SNTG1: variants seen among roughly 807,000 people sequenced by gnomAD.
SNTG1 encodes syntrophin gamma 1.
A neutral mutation model predicts 74.7 loss-of-function variants in SNTG1; 39 were observed. That is an observed-to-expected ratio of 0.52 (90% CI 0.40 to 0.68). The LOEUF is 0.68. Ranked by LOEUF, SNTG1 falls within the 30% of genes least tolerant of loss-of-function variation. The pLI is 0.00. For synonymous variants in SNTG1, 254 were observed against 217.1 expected (o/e 1.17, Z -1.49); for missense variants, 685 against 609.5 (o/e 1.12, Z -1.30).
intron 11 of SNTG1, among the ~76,000 whole-genome samples, chr8:50,552,311 T>C (rs957518318): frequency 6.6e-6 from 1 of 152,206 alleles, no homozygotes; most frequent in African/African-American, 2.4e-5. Context: ...ACTTTTAAAT[T>C]CAATAGCACT....
intron 1 of SNTG1, among the ~76,000 whole-genome samples, chr8:50,027,207 T>G (rs1817344964): frequency 6.6e-6 from 1 of 152,112 alleles, no homozygotes; most frequent in Admixed American, 6.6e-5. Context: ...TAGAGCAAAA[T>G]GTAGCATTAC....
chr8:50,149,747 C>T (rs927282106), intron 1 of SNTG1, among the ~76,000 whole-genome samples: 6 of 152,134 alleles, frequency 3.9e-5, no homozygotes, highest in East Asian at 1.9e-4. Flanking sequence ...TTCCATTGGT[C>T]TATATCTCTG....
chr8:49,956,092 T>C (rs1220701727), intron 1 of SNTG1, among the ~76,000 whole-genome samples: 1 of 152,256 alleles, frequency 6.6e-6, no homozygotes, highest in Non-Finnish European at 1.5e-5. Context: ...GCTATTTATT[T>C]AACAGGTTTC....
intron 2 of SNTG1, among the ~76,000 whole-genome samples, chr8:50,337,914 A>G (rs952784667): frequency 2.0e-5 from 3 of 152,148 alleles, no homozygotes; most frequent in Admixed American, 6.5e-5. Context: ...AGGCGGGCGG[A>G]TCATGAGGTC....
At chr8:49,978,729 C>T (rs1346383969) in intron 1 of SNTG1, among the ~76,000 whole-genome samples, 1 of 152,106 alleles carries the variant, frequency 6.6e-6, no homozygotes, top group Non-Finnish European at 1.5e-5. Context: ...GAGAGTTTAG[C>T]TGAGTTGGGC....
intron 12 of SNTG1, among the ~76,000 whole-genome samples, chr8:50,574,693 GT>G (rs1244241926): frequency 1.3e-5 from 2 of 151,876 alleles, no homozygotes; most frequent in Non-Finnish European, 2.9e-5. Context: ...TAGATGTTTG[GT>G]TTTTTTGTGT....
chr8:49,957,015 A>G (rs905965083), intron 1 of SNTG1, among the ~76,000 whole-genome samples: 2 of 152,198 alleles, frequency 1.3e-5, no homozygotes, highest in African/African-American at 4.8e-5. Context: ...AGGGAAATGG[A>G]GGGACTTTGG....
chr8:50,491,621 C>T (rs1400700762), intron 8 of SNTG1, among the ~76,000 whole-genome samples: 1 of 152,202 alleles, frequency 6.6e-6, no homozygotes, highest in African/African-American at 2.4e-5. Context: ...TGGAAGGACG[C>T]GGGCTGAGCT....
intron 2 of SNTG1, among the ~76,000 whole-genome samples, chr8:50,273,570 G>C (rs144409364): frequency 6.6e-6 from 1 of 152,130 alleles, no homozygotes; most frequent in Admixed American, 6.5e-5. Context: ...AAAGTTGTTC[G>C]GTGTCATGGG....
chr8:50,094,725 A>G (rs985475050), intron 1 of SNTG1, among the ~76,000 whole-genome samples: 1 of 152,188 alleles, frequency 6.6e-6, no homozygotes, highest in African/African-American at 2.4e-5. Context: ...TAATGTTGGT[A>G]GGAGTAGTGG....
chr8:50,191,748 C>T (rs2131786866), intron 2 of SNTG1, among the ~76,000 whole-genome samples: 1 of 152,096 alleles, frequency 6.6e-6, no homozygotes, highest in Middle Eastern at 3.4e-3. Context: ...CCACAACAGG[C>T]CCCGGTGTGT....
intron 2 of SNTG1, among the ~76,000 whole-genome samples, chr8:50,298,146 T>A (rs907400639): frequency 6.6e-6 from 1 of 152,100 alleles, no homozygotes; most frequent in Non-Finnish European, 1.5e-5. Context: ...AAACTTTTCT[T>A]ATCTCCCAGA....
At chr8:50,299,422 A>G (rs561596236) in intron 2 of SNTG1, among the ~76,000 whole-genome samples, 40 of 152,132 alleles carry the variant, frequency 2.6e-4, no homozygotes, top group Non-Finnish European at 4.6e-4. Flanking sequence ...AACATGTATC[A>G]TAAGAGGGGC....
chr8:50,361,908 G>A (rs968727122), intron 2 of SNTG1, among the ~76,000 whole-genome samples: 13 of 152,124 alleles, frequency 8.5e-5, no homozygotes, highest in African/African-American at 3.1e-4. Flanking sequence ...CAGTAAAAGT[G>A]TAGTAAAAAT....
In SNTG1 at chr8:50,053,111, C is replaced by A. The variant is rs202089698; in HGVS notation, c.-102-119450C>A. Among the ~76,000 whole-genome samples the A allele has an allele frequency of 2.0e-5, 3 of 152,062 alleles. No individual in the cohort carries two copies. In the East Asian group the frequency reaches 5.8e-4, roughly 29 times the overall value. On this transcript the variant is annotated intron_variant, in intron 1 of 18. Coordinates refer to ENST00000642720, the MANE Select transcript of SNTG1 (RefSeq NM_018967.5). ...CCCAAGATAAATGAACACACATTAACAGAAATGCTTTTACAAAAAGGGTCA... is the reference window on the plus strand; with the variant it reads ...CCCAAGATAAATGAACACACATTAAAAGAAATGCTTTTACAAAAAGGGTCA...
intron 2 of SNTG1, among the ~76,000 whole-genome samples, chr8:50,268,851 G>C (rs1384386698): frequency 6.6e-6 from 1 of 151,856 alleles, no homozygotes; most frequent in African/African-American, 2.4e-5. Flanking sequence ...TAGAGAAGAG[G>C]TTTTGCTATG....
intron 13 of SNTG1, among the ~76,000 whole-genome samples, chr8:50,635,069 A>G (rs2095030143): frequency 6.6e-6 from 1 of 152,094 alleles, no homozygotes; most frequent in Non-Finnish European, 1.5e-5. Flanking sequence ...GCTTTCCAAG[A>G]GTCTCACCCC....
rs770677802 is a variant in SNTG1, at chr8:50,792,965, G to A, written c.*136G>A. On this transcript the variant is annotated 3_prime_UTR_variant, in exon 19 of 19. Transcript: ENST00000642720. ...AATCAAAATTTCGGCAGAAAAAGAA[G>A]GTCATGTGGAACCTCAAAAACACTT... The A allele has an allele frequency of 1.1e-6, 1 of 929,710 alleles. No homozygotes were observed. 57.6% of individuals were successfully genotyped at this position (929,710 alleles called of 1,614,324 possible).
chr8:50,738,039 G>C (rs1240745631), intron 17 of SNTG1, among the ~76,000 whole-genome samples: 5 of 152,106 alleles, frequency 3.3e-5, no homozygotes, highest in Middle Eastern at 3.2e-3. Context: ...ATTCAAGATA[G>C]TATTGGAAGT....
Sources: allele counts gnomAD v4.1 joint callset (sites outside exome capture counted in the v4.1 genomes callset), GRCh38; gene constraint gnomAD v4.1.1; transcripts MANE v1.5; gene names NCBI Gene and HGNC (gene_info 2026-07-23, HGNC 2026-07-21).